GRID1: variants seen among roughly 807,000 people sequenced by gnomAD.
GRID1 encodes the protein glutamate receptor ionotropic, delta-1.
Under a neutral mutation model 98.0 loss-of-function variants are expected in GRID1, and 28 were observed. The ratio of observed to expected loss-of-function variants is 0.29; its 90% confidence interval spans 0.21 to 0.39. The LOEUF (loss-of-function observed/expected upper bound fraction) is 0.39, where lower values mean the gene tolerates loss of function less well. Among genes scored for constraint, GRID1 ranks in the 10% least tolerant of loss-of-function variants. The pLI is 1.00. For synonymous variants in GRID1, 553 were observed against 538.5 expected (o/e 1.03, Z -0.37); for missense variants, 1,111 against 1,340.5 (o/e 0.83, Z 2.67).
intron 4 of GRID1, among the ~76,000 whole-genome samples, chr10:86,062,184 G>A (rs1843658434): frequency 6.6e-6 from 1 of 152,188 alleles, no homozygotes; most frequent in African/African-American, 2.4e-5. Flanking sequence ...CCTACCTGGG[G>A]CTCTTATTCA....
intron 12 of GRID1, among the ~76,000 whole-genome samples, chr10:85,652,519 G>A (rs567599172): frequency 1.4e-4 from 21 of 152,268 alleles, no homozygotes; most frequent in African/African-American, 4.3e-4. Context: ...CAAAAGACAC[G>A]GGAGGGTGGG....
intron 4 of GRID1, among the ~76,000 whole-genome samples, chr10:86,079,105 C>G (rs562777546): frequency 9.2e-5 from 14 of 152,204 alleles, no homozygotes; most frequent in Non-Finnish European, 1.8e-4. Flanking sequence ...TACCCAGTAC[C>G]TTGAACTGAA....
At chr10:85,689,957 A>C (rs1212734193) in intron 12 of GRID1, among the ~76,000 whole-genome samples, 3 of 152,300 alleles carry the variant, frequency 2.0e-5, no homozygotes, top group African/African-American at 7.2e-5. Context: ...GCACAATTCA[A>C]CCAATCAAGA....
At position 86,116,430 on chromosome 10, in the gene GRID1, A is replaced by G. The variant is rs535329936; in HGVS notation, c.726+22389T>C. Among the ~76,000 whole-genome samples, 5 of 152,300 alleles carry G rather than the reference A, an allele frequency of 3.3e-5. No individual in the cohort carries two copies. The South Asian group carries it at 1.0e-3, about 32-fold the overall frequency. ...CCCGCAACTCCCCAGATGAGCACTC[A>G]GGGAGGAGCCCAGGGTGAGAAGCTG... On this transcript the variant is annotated intron_variant, in intron 4 of 15. Transcript: ENST00000327946.
chr10:85,943,827 A>G (rs1366227978), intron 4 of GRID1, among the ~76,000 whole-genome samples: 3 of 152,232 alleles, frequency 2.0e-5, no homozygotes, highest in African/African-American at 4.8e-5. Context: ...ATCGCAAACA[A>G]TGGCCACACG....
At chr10:86,258,362 C>T (rs916933863) in intron 2 of GRID1, among the ~76,000 whole-genome samples, 1 of 152,114 alleles carries the variant, frequency 6.6e-6, no homozygotes, top group Non-Finnish European at 1.5e-5. Context: ...AGAAACCATA[C>T]CAGTGAAACA....
rs573412977 is a variant in GRID1 at position 86,120,652 on chromosome 10, T to C, written c.726+18167A>G. Among the ~76,000 whole-genome samples, 10 of 152,354 alleles carry C rather than the reference T, an allele frequency of 6.6e-5. No homozygotes were observed. In the South Asian group the frequency reaches 1.7e-3, roughly 25 times the overall value. On this transcript the variant is annotated intron_variant, in intron 4 of 15. Coordinates refer to ENST00000327946, the MANE Select transcript of GRID1 (RefSeq NM_017551.3). ...CCATTATCCTCACTAGAGTCCTATA[T>C]AACCACATCCATTATATGGCAATGT...
intron 4 of GRID1, among the ~76,000 whole-genome samples, chr10:85,975,135 C>A (rs1440575504): frequency 1.3e-5 from 2 of 152,236 alleles, no homozygotes; most frequent in Non-Finnish European, 2.9e-5. Flanking sequence ...TGTCCAAAAT[C>A]TCTACATGTG....
At chr10:85,787,670 C>T (rs1053894989) in intron 8 of GRID1, among the ~76,000 whole-genome samples, 3 of 152,162 alleles carry the variant, frequency 2.0e-5, no homozygotes, top group Non-Finnish European at 4.4e-5. Context: ...TCGTGTGGAC[C>T]ACAGTGGAGC....
intron 4 of GRID1, among the ~76,000 whole-genome samples, chr10:86,058,834 C>T (rs1407109134): frequency 1.3e-5 from 2 of 152,192 alleles, no homozygotes; most frequent in East Asian, 1.9e-4. Flanking sequence ...ACACCAGGTC[C>T]CAGCCCTTGA....
chr10:86,137,648 T>C (rs1771749455), intron 4 of GRID1, among the ~76,000 whole-genome samples: 1 of 152,166 alleles, frequency 6.6e-6, no homozygotes, highest in Admixed American at 6.5e-5. Context: ...TCCCAGGCTG[T>C]CCATTACTGG....
At chr10:86,254,773 C>A (rs1022418252) in intron 2 of GRID1, among the ~76,000 whole-genome samples, 1 of 152,242 alleles carries the variant, frequency 6.6e-6, no homozygotes, top group South Asian at 2.1e-4. Context: ...CCCAGCAGCT[C>A]CCCACTGGAC....
At chr10:85,882,550 C>G (rs1397855504) in intron 5 of GRID1, among the ~76,000 whole-genome samples, 2 of 152,098 alleles carry the variant, frequency 1.3e-5, no homozygotes, top group African/African-American at 2.4e-5. Context: ...CATGTTCTCA[C>G]TCATAGATGG....
At chr10:86,238,439 A>G (rs1319055727) in intron 2 of GRID1, among the ~76,000 whole-genome samples, 1 of 152,200 alleles carries the variant, frequency 6.6e-6, no homozygotes, top group African/African-American at 2.4e-5. Flanking sequence ...AGGCAGGCAG[A>G]TCATGAGGTC....
chr10:86,027,442 G>A (rs1051729575), intron 4 of GRID1, among the ~76,000 whole-genome samples: 17 of 152,068 alleles, frequency 1.1e-4, no homozygotes, highest in African/African-American at 3.4e-4. Flanking sequence ...TCCTTCTCAC[G>A]GCTAAATACT....
intron 2 of GRID1, among the ~76,000 whole-genome samples, chr10:86,239,355 T>A (rs1846591296): frequency 1.3e-5 from 2 of 152,200 alleles, no homozygotes; most frequent in Non-Finnish European, 2.9e-5. Flanking sequence ...GCTTGCAGGC[T>A]CATAGGCAGA....
rs1273244296 is a variant in GRID1, at chr10:86,023,004, TG to T, written c.727-106766del. Among the ~76,000 whole-genome samples the T allele has an allele frequency of 3.3e-5, 5 of 152,006 alleles. No homozygotes were observed. In the South Asian group the frequency reaches 8.3e-4, roughly 25 times the overall value. ...CAGCACCCAAACAAGGGTCATATGT[TG>T]GGGGGCCACAGGATATTGTAATCAC... On this transcript the variant is annotated intron_variant, in intron 4 of 15. Transcript: ENST00000327946.
chr10:86,015,906 A>G (rs1589337532), intron 4 of GRID1, among the ~76,000 whole-genome samples: 2 of 152,204 alleles, frequency 1.3e-5, no homozygotes, highest in South Asian at 4.2e-4. Context: ...GATGCTAAGG[A>G]CCATGATGGG....
At chr10:85,935,325 G>A (rs1178821448) in intron 4 of GRID1, among the ~76,000 whole-genome samples, 1 of 152,158 alleles carries the variant, frequency 6.6e-6, no homozygotes, top group Non-Finnish European at 1.5e-5. Flanking sequence ...ACCTGAAGAA[G>A]GTAGAAAGCC....
Sources: gnomAD v4.1 joint callset for allele counts (sites outside exome capture counted in the v4.1 genomes callset) on GRCh38, gnomAD v4.1.1 for gene constraint, MANE v1.5 for transcripts, NCBI Gene and HGNC (gene_info 2026-07-23, HGNC 2026-07-21) for gene names.